Variants in ZNF569 observed in about 807,000 individuals in gnomAD.
The protein encoded by ZNF569 is zinc finger protein 569.
ZNF569 carries 38 observed loss-of-function variants against 56.3 expected under a neutral mutation model. The ratio of observed to expected loss-of-function variants is 0.68; its 90% CI spans 0.52 to 0.88. The LOEUF (loss-of-function observed/expected upper bound fraction) is 0.88, where lower values mean the gene tolerates loss of function less well. ZNF569 is among the 40% of genes least tolerant of loss of function. The pLI is 0.00. For synonymous variants in ZNF569, 241 were observed against 262.9 expected (o/e 0.92, Z 0.81); for missense variants, 666 against 809.2 (o/e 0.82, Z 2.15).
rs1376390678 is a variant in ZNF569 at position 37,413,253 on chromosome 19, T to C, written c.1405A>G (p.Lys469Glu). 6.2e-7 allele frequency: 1 copy of C among 1,611,640 alleles called. No homozygotes were observed. Among genetic ancestry groups the C allele is most frequent in the East Asian group, 2.2e-5 (1 of 44,834 alleles). Residue 469 changes from lysine to glutamate, a missense_variant, in exon 6 of 6, where the codon AAG becomes GAG. Transcript: ENST00000316950. The part of the protein sequence containing the change: ...IHTGEKPYIC[K>E]ECGKAFSQKS... Reference sequence around the variant, plus strand: ...TGGCTAAAGGCTTTCCCACATTCCTTACATATATAGGGTTTTTCCCCAGTA... The same window carrying C: ...TGGCTAAAGGCTTTCCCACATTCCTCACATATATAGGGTTTTTCCCCAGTA...
At chr19:37,425,677 C>A in intron 5 of ZNF569, 191 bp downstream of exon 5, 1 of 476,358 alleles carries the variant, frequency 2.1e-6, no homozygotes, top group East Asian at 3.4e-5. Flanking sequence ...GTTGCCCAGG[C>A]TGGTCCCAAA....
chr19:37,415,645 C>T (rs961941277), intron 5 of ZNF569, among the ~76,000 whole-genome samples: 9 of 151,006 alleles, frequency 6.0e-5, no homozygotes, highest in Middle Eastern at 3.4e-3. Context: ...CCAAGGCGGG[C>T]GGATCGCGAG....
In ZNF569 at chr19:37,413,211, C is replaced by G; in HGVS notation, c.1447G>C (p.Ala483Pro). 1 of 1,608,772 alleles carries G rather than the reference C, an allele frequency of 6.2e-7. No individual in the cohort carries two copies. Among genetic ancestry groups the G allele is most frequent in the East Asian group, 2.2e-5 (1 of 44,826 alleles). The change falls in exon 6 of 6, where the codon GCT (alanine) becomes CCT (proline). Residue 483 changes from alanine to proline, a missense_variant. By Grantham distance (27) the Ala-to-Pro change is conservative. Transcript: ENST00000316950. ...KAFSQKSNLI[A>P]HEKIHSGEKP... ...TCTCCAGAATGAATTTTTTCATGAG[C>G]AATGAGATTTGATTTCTGGCTAAAG...
In ZNF569 at chr19:37,413,676, A is replaced by G; in HGVS notation, c.982T>C (p.Cys328Arg). 6.2e-7 allele frequency: 1 copy of G among 1,614,026 alleles called. No homozygotes were observed. Among genetic ancestry groups the G allele is most frequent in the Non-Finnish European group, 8.5e-7 (1 of 1,179,946 alleles). ...KVHTGEKPYA[C>R]NECGKAFPRI... Reference sequence around the variant, plus strand: ...GGGAAGGCTTTACCACATTCATTACATGCATAAGGTTTCTCCCCAGTATGA... The same window carrying G: ...GGGAAGGCTTTACCACATTCATTACGTGCATAAGGTTTCTCCCCAGTATGA... Residue 328 changes from cysteine to arginine, a missense_variant, in exon 6 of 6, where the codon TGT becomes CGT. Transcript: ENST00000316950.
intron 5 of ZNF569, among the ~76,000 whole-genome samples, chr19:37,420,143 C>T (rs987254513): frequency 5.9e-5 from 9 of 151,746 alleles, no homozygotes; most frequent in South Asian, 4.2e-4. Flanking sequence ...TGCGCCACCA[C>T]GCCAGGCTAA....
upstream of ZNF569, chr19:37,469,195 G>GGGA: frequency 7.9e-7 from 1 of 1,262,078 alleles, no homozygotes; most frequent in South Asian, 1.9e-5. Flanking sequence ...GGACCTGGTG[G>GGGA]GGAGGAGGCC....
At chr19:37,448,812 C>G (rs747718934) in intron 2 of ZNF569, among the ~76,000 whole-genome samples, 84 of 152,048 alleles carry the variant, frequency 5.5e-4, no homozygotes, top group Non-Finnish European at 1.1e-3. Context: ...ATCCACCCAC[C>G]TCAGCCTCCC....
chr19:37,452,594 GTTTGT>G (rs1399686827), intron 2 of ZNF569, among the ~76,000 whole-genome samples: 1 of 151,908 alleles, frequency 6.6e-6, no homozygotes, highest in Non-Finnish European at 1.5e-5. Context: ...TGTTATTGTT[GTTTGT>G]TTTGTCTGTT....
chr19:37,427,728 A>G (rs1219633222), intron 3 of ZNF569: 5 of 483,722 alleles, frequency 1.0e-5, no homozygotes, highest in Admixed American at 8.8e-5. Context: ...CATGTTCAAG[A>G]AGCAAAAGGC....
rs2041859188 is a variant in ZNF569, at chr19:37,467,238, C to T, written c.-359G>A. Reference sequence around the variant, plus strand: ...TCCGTTACACCAGGGGCGACGCTTCCCAGAGGCCCCCGCGGCTCACCCGGG... The same window carrying T: ...TCCGTTACACCAGGGGCGACGCTTCTCAGAGGCCCCCGCGGCTCACCCGGG... On this transcript the variant is annotated 5_prime_UTR_variant, in exon 1 of 6. Transcript: ENST00000316950. The T allele has an allele frequency of 6.6e-6, 1 of 152,462 alleles. No homozygotes were observed. The highest frequency in any genetic ancestry group is 2.1e-4 in the South Asian group (1 of 4,848). The allele number at this position is 152,462 out of a possible 1,614,324, so 9.4% of individuals were successfully genotyped here.
intron 2 of ZNF569, among the ~76,000 whole-genome samples, chr19:37,463,103 T>C (rs142492565): frequency 8.7e-4 from 132 of 152,308 alleles, no homozygotes; most frequent in Non-Finnish European, 1.4e-3. Flanking sequence ...TCATTCACAC[T>C]CTACCTCAGT....
intron 3 of ZNF569, among the ~76,000 whole-genome samples, chr19:37,431,217 T>A (rs1396572071): frequency 6.6e-6 from 1 of 152,034 alleles, no homozygotes; most frequent in Non-Finnish European, 1.5e-5. Context: ...CCAGCCAGGG[T>A]AGCCAAGGGA....
Position 37,415,890 on chromosome 19 carries a change from A to G in ZNF569, c.239-1471T>C, listed in dbSNP as rs532110752. Among the ~76,000 whole-genome samples, 365 of 151,528 alleles carry G rather than the reference A, an allele frequency of 2.4e-3. 2 individuals are homozygous for G. Among genetic ancestry groups the G allele is most frequent in the Non-Finnish European group, 3.7e-3 (250 of 67,866 alleles). Reference sequence around the variant, plus strand: ...GTGAGACTCTGTCTCAAAAGAAAAAAGAAAAAGAAAAAAAAAAAGAATATT... The same window carrying G: ...GTGAGACTCTGTCTCAAAAGAAAAAGGAAAAAGAAAAAAAAAAAGAATATT... On this transcript the variant is annotated intron_variant, in intron 5 of 5. Transcript: ENST00000316950.
chr19:37,424,815 CAA>C (rs71177448), intron 5 of ZNF569, among the ~76,000 whole-genome samples: 3 of 33,568 alleles, frequency 8.9e-5, no homozygotes, highest in African/African-American at 1.3e-4. Context: ...GACTCTGTCT[CAA>C]AAAAAAAAAA....
chr19:37,425,833 A>C, intron 5 of ZNF569, 35 bp downstream of exon 5: 1 of 1,503,762 alleles, frequency 6.6e-7, no homozygotes, highest in Non-Finnish European at 9.3e-7. Context: ...ATAGGCCCTG[A>C]CCTCTCCTCA....
intron 3 of ZNF569, among the ~76,000 whole-genome samples, chr19:37,437,768 GA>G (rs1349172213): frequency 1.3e-5 from 2 of 151,928 alleles, no homozygotes; most frequent in African/African-American, 4.8e-5. Context: ...CCAAAGAATT[GA>G]AAGATCTCTA....
chr19:37,451,399 GAA>G (rs74174466), intron 2 of ZNF569, among the ~76,000 whole-genome samples: 4,941 of 105,044 alleles, frequency 0.047, 219 homozygotes, highest in African/African-American at 0.13. Flanking sequence ...GACCCCATCT[GAA>G]AAAAAAAAAA....
At chr19:37,455,687 A>G (rs1451959225) in intron 2 of ZNF569, among the ~76,000 whole-genome samples, 1 of 151,450 alleles carries the variant, frequency 6.6e-6, no homozygotes, top group South Asian at 2.1e-4. Flanking sequence ...TTTCTCCCCC[A>G]CCCCCAACTC....
chr19:37,452,111 G>C (rs2041603474), intron 2 of ZNF569, among the ~76,000 whole-genome samples: 1 of 151,594 alleles, frequency 6.6e-6, no homozygotes, highest in African/African-American at 2.4e-5. Context: ...TATGTAGTTA[G>C]TTTGGGGCTT....
Sources: gnomAD v4.1 joint callset for allele counts (sites outside exome capture counted in the v4.1 genomes callset) on GRCh38, gnomAD v4.1.1 for gene constraint, MANE v1.5 for transcripts, NCBI Gene and HGNC (gene_info 2026-07-23, HGNC 2026-07-21) for gene names.